Variants in CTNNAL1 observed in about 807,000 individuals in gnomAD.
CTNNAL1 encodes alpha-catulin.
A neutral mutation model predicts 93.6 loss-of-function variants in CTNNAL1; 69 were observed. The observed-to-expected ratio is 0.74, with a 90% CI of 0.61 to 0.90. The LOEUF (loss-of-function observed/expected upper bound fraction) is 0.90. Among genes scored for constraint, CTNNAL1 ranks in the 40% least tolerant of loss-of-function variants. CTNNAL1 has a pLI of 0.00. For missense variants in CTNNAL1, 836 were observed against 862.0 expected, an observed-to-expected ratio of 0.97 and a Z score of 0.38; for synonymous variants, 286 against 305.4, an observed-to-expected ratio of 0.94 and a Z score of 0.66.
At chr9:108,987,154 G>A (rs2132164208) in intron 4 of CTNNAL1, among the ~76,000 whole-genome samples, 1 of 152,108 alleles carries the variant, frequency 6.6e-6, no homozygotes, top group South Asian at 2.1e-4. Context: ...GGGTTTTTAT[G>A]GTTTTAGGTC....
At chr9:108,956,944 AT>A (rs1221450224) in intron 11 of CTNNAL1, among the ~76,000 whole-genome samples, 1 of 151,800 alleles carries the variant, frequency 6.6e-6, no homozygotes, top group Non-Finnish European at 1.5e-5. Context: ...TACATAACAG[AT>A]TTTGAAGATG....
rs28361165 is a variant in CTNNAL1, at chr9:108,952,632, AC to A, written c.1630-139del. 0.013 allele frequency: 13,927 copies of A among 1,110,604 alleles called. 1,383 individuals are homozygous for A. The African/African-American group carries it at 0.2, about 16-fold the overall frequency. 68.8% of individuals were successfully genotyped at this position (1,110,604 alleles called of 1,614,324 possible). ...TCAGTATGTAATGACTGAATATTTT[AC>A]CAATTGCAAGTACTCTACTAGTAAG... On this transcript the variant is annotated intron_variant, in intron 12 of 18. Coordinates refer to ENST00000325551, the MANE Select transcript of CTNNAL1 (RefSeq NM_003798.4).
intron 6 of CTNNAL1, 86 bp from the exon 7 acceptor site, chr9:108,979,567 G>A: frequency 8.1e-7 from 1 of 1,233,246 alleles, no homozygotes; most frequent in South Asian, 1.3e-5. Context: ...ACAGTGCCCA[G>A]GAAAACACTA....
At position 108,946,247 on chromosome 9, in the gene CTNNAL1, C is replaced by T. The variant is rs182871751; in HGVS notation, c.1884+1939G>A. 5.3e-4 allele frequency among the ~76,000 whole-genome samples: 79 copies of T among 149,316 alleles called. 1 individual carries two copies. Among genetic ancestry groups the T allele is most frequent in the African/African-American group, 1.4e-3 (57 of 40,754 alleles). The stretch of plus-strand genomic sequence containing the variant: ...CCGGGAGGCGGAGGCTGTAGTGAGC[C>T]GAGATCGTGCCACTGCACTCCAGCC... On this transcript the variant is annotated intron_variant, in intron 15 of 18. Coordinates refer to ENST00000325551, the MANE Select transcript of CTNNAL1 (RefSeq NM_003798.4).
chr9:108,979,265 T>C lies in CTNNAL1; in HGVS notation c.1101+16A>G. ...CATTATATAAGATTTACTTTGATTT[T>C]AAAAAAAGTTCTTACAGCTTGAATC... is the stretch of plus-strand genomic sequence containing the variant. On this transcript the variant is annotated intron_variant, in intron 7 of 18. Coordinates refer to ENST00000325551, the MANE Select transcript of CTNNAL1 (RefSeq NM_003798.4). 1 of 1,613,620 alleles carries C rather than the reference T, an allele frequency of 6.2e-7. No homozygotes were observed. Among genetic ancestry groups the C allele is most frequent in the Non-Finnish European group, 8.5e-7 (1 of 1,179,870 alleles).
At chr9:108,987,670 G>A (rs1268840279) in intron 4 of CTNNAL1, among the ~76,000 whole-genome samples, 2 of 152,142 alleles carry the variant, frequency 1.3e-5, no homozygotes, top group Non-Finnish European at 2.9e-5. Context: ...AGCATGGAAT[G>A]TTCTTCCATT....
chr9:108,985,961 T>C (rs1831591111), intron 4 of CTNNAL1, among the ~76,000 whole-genome samples: 2 of 151,722 alleles, frequency 1.3e-5, no homozygotes, highest in Non-Finnish European at 2.9e-5. Flanking sequence ...AAGCGAAGCA[T>C]CCCAATACCT....
At chr9:108,962,457 T>A (rs1368160910) in intron 11 of CTNNAL1, among the ~76,000 whole-genome samples, 1 of 152,190 alleles carries the variant, frequency 6.6e-6, no homozygotes, top group East Asian at 1.9e-4. Flanking sequence ...AACACTGAAT[T>A]AATGTTGCAT....
At position 109,006,006 on chromosome 9, in the gene CTNNAL1, T is replaced by C. The variant is rs545779521; in HGVS notation, c.142-6750A>G. Reference sequence around the variant, plus strand: ...ATTCTTTATTTAAGGTCTACTTATATTCTAAAATTAGTTTCAAATGTTTTA... The same window carrying C: ...ATTCTTTATTTAAGGTCTACTTATACTCTAAAATTAGTTTCAAATGTTTTA... On this transcript the variant is annotated intron_variant, in intron 1 of 18. Coordinates refer to ENST00000325551, the MANE Select transcript of CTNNAL1 (RefSeq NM_003798.4). 2.0e-5 allele frequency among the ~76,000 whole-genome samples: 3 copies of C among 152,358 alleles called. No homozygotes were observed. The South Asian group carries it at 6.2e-4, about 32-fold the overall frequency.
intron 1 of CTNNAL1, among the ~76,000 whole-genome samples, chr9:109,000,703 G>GAAA (rs748272087): frequency 8.2e-6 from 1 of 122,270 alleles, no homozygotes; most frequent in African/African-American, 3.0e-5. Context: ...AACAGTGGAG[G>GAAA]AAAAAAAAAA....
intron 9 of CTNNAL1, among the ~76,000 whole-genome samples, chr9:108,971,578 C>G (rs193149045): frequency 6.6e-6 from 1 of 152,176 alleles, no homozygotes; most frequent in Non-Finnish European, 1.5e-5. Context: ...GAGTTCCCCC[C>G]CTGTACATAC....
At chr9:108,964,170 C>T (rs1461141500) in intron 11 of CTNNAL1, among the ~76,000 whole-genome samples, 1 of 152,120 alleles carries the variant, frequency 6.6e-6, no homozygotes, top group Non-Finnish European at 1.5e-5. Flanking sequence ...AATGATTTGC[C>T]ATTCAGACTA....
intron 3 of CTNNAL1, among the ~76,000 whole-genome samples, chr9:108,991,135 T>C (rs1831786845): frequency 6.6e-6 from 1 of 152,332 alleles, no homozygotes; most frequent in Admixed American, 6.5e-5. Context: ...GGATCATTTA[T>C]GTAGCCAAGT....
At chr9:108,996,987 T>C (rs937205631) in intron 2 of CTNNAL1, among the ~76,000 whole-genome samples, 4 of 152,192 alleles carry the variant, frequency 2.6e-5, no homozygotes, top group Non-Finnish European at 5.9e-5. Context: ...ATTAAAATAA[T>C]AATGTTTGCC....
At chr9:108,990,355 C>A (rs1831752753) in intron 4 of CTNNAL1, among the ~76,000 whole-genome samples, 1 of 152,080 alleles carries the variant, frequency 6.6e-6, no homozygotes, top group Non-Finnish European at 1.5e-5. Flanking sequence ...AAATATCTAA[C>A]AAGATACTAT....
chr9:108,944,473 G>A (rs559204953), intron 15 of CTNNAL1, among the ~76,000 whole-genome samples: 1 of 152,324 alleles, frequency 6.6e-6, no homozygotes, highest in African/African-American at 2.4e-5. Flanking sequence ...CCAGACATTT[G>A]AGAGAACCAA....
At chr9:108,993,328 A>G (rs1564145143) in intron 2 of CTNNAL1, among the ~76,000 whole-genome samples, 2 of 152,222 alleles carry the variant, frequency 1.3e-5, no homozygotes, top group Admixed American at 6.5e-5. Flanking sequence ...TTAGGCCCCA[A>G]GGGATGACAT....
chr9:109,003,665 T>G (rs962924932), intron 1 of CTNNAL1, among the ~76,000 whole-genome samples: 5 of 152,192 alleles, frequency 3.3e-5, no homozygotes, highest in African/African-American at 1.2e-4. Flanking sequence ...ACTTTCTATT[T>G]TCTCATTTTT....
intron 15 of CTNNAL1, among the ~76,000 whole-genome samples, chr9:108,946,285 G>T (rs1341642602): frequency 7.0e-6 from 1 of 141,910 alleles, no homozygotes; most frequent in African/African-American, 2.6e-5. Flanking sequence ...ACAACAGAGC[G>T]AGACTAAGTC....
Sources: allele counts gnomAD v4.1 joint callset (sites outside exome capture counted in the v4.1 genomes callset), GRCh38; gene constraint gnomAD v4.1.1; transcripts MANE v1.5; gene names NCBI Gene and HGNC (gene_info 2026-07-23, HGNC 2026-07-21).